The following FGD6 variants were observed in gnomAD, a reference collection of about 807,000 sequenced individuals.
FGD6 encodes the protein FYVE, RhoGEF and PH domain containing 6, also known as FYVE, RhoGEF and PH domain-containing protein 6.
FGD6 carries 90 observed loss-of-function variants against 149.4 expected under a neutral mutation model. The ratio of observed to expected loss-of-function variants is 0.60; its 90% CI spans 0.51 to 0.72. The LOEUF (loss-of-function observed/expected upper bound fraction) is 0.72. FGD6 is among the 30% of genes least tolerant of loss of function. FGD6 has a pLI of 0.00. For missense variants in FGD6, 1,437 were observed against 1,684.8 expected (o/e 0.85, Z 2.57); for synonymous variants, 527 against 584.0 (o/e 0.90, Z 1.41).
intron 8 of FGD6, among the ~76,000 whole-genome samples, chr12:95,132,746 G>A (rs12817128): frequency 0.077 from 11,711 of 151,932 alleles, 622 homozygotes; most frequent in East Asian, 0.25. Flanking sequence ...GCAAGATTCC[G>A]TCTCAAATAA....
intron 19 of FGD6, among the ~76,000 whole-genome samples, chr12:95,085,179 CAA>C (rs1309946740): frequency 2.0e-5 from 3 of 147,732 alleles, no homozygotes; most frequent in East Asian, 2.0e-4. Context: ...GAGTATCACT[CAA>C]GAGAGCTTGG....
At chr12:95,188,801 C>T (rs1592869757) in intron 2 of FGD6, among the ~76,000 whole-genome samples, 2 of 146,800 alleles carry the variant, frequency 1.4e-5, no homozygotes, top group Non-Finnish European at 1.5e-5. Flanking sequence ...TTAAAAACAA[C>T]TTTTTTTTTT....
chr12:95,209,779 T>C lies in FGD6; in HGVS notation c.1505A>G (p.His502Arg). The C allele has an allele frequency of 1.2e-6, 2 of 1,612,958 alleles. No individual in the cohort carries two copies. Among genetic ancestry groups the C allele is most frequent in the Non-Finnish European group, 1.7e-6 (2 of 1,179,802 alleles). Residue 502 changes from histidine (H) to arginine (R), a missense_variant, in exon 2 of 21, where the codon CAT (histidine) becomes CGT (arginine). Transcript: ENST00000343958. The part of the protein sequence containing the change: ...LRIVPKKPQR[H>R]SLPATGVLKK... The stretch of plus-strand genomic sequence containing the variant: ...AAGCACTCCTGTAGCAGGCAAGCTA[T>C]GTCTTTGAGGTTTTTTGGGGACAAT...
chr12:95,180,994 CA>C (rs10711230), intron 2 of FGD6, among the ~76,000 whole-genome samples: 131,838 of 150,624 alleles, frequency 0.88, 57,968 homozygotes, highest in African/African-American at 0.96. Flanking sequence ...ATTGCCGTTT[CA>C]AAAAAAAAAG....
At chr12:95,151,934 G>C (rs1056352405) in intron 5 of FGD6, among the ~76,000 whole-genome samples, 1 of 152,094 alleles carries the variant, frequency 6.6e-6, no homozygotes, top group Non-Finnish European at 1.5e-5. Context: ...AATGCATAAT[G>C]AAACTTGTGA....
At chr12:95,164,330 C>T (rs1220374776) in intron 3 of FGD6, among the ~76,000 whole-genome samples, 3 of 151,836 alleles carry the variant, frequency 2.0e-5, no homozygotes, top group Non-Finnish European at 4.4e-5. Flanking sequence ...CAAGCTCCGC[C>T]TCCCTGGTTC....
Position 95,165,336 on chromosome 12 carries a change from CT to C in FGD6, c.2586+7263del, listed in dbSNP as rs764144447. Among the ~76,000 whole-genome samples, 308 of 141,630 alleles carry C rather than the reference CT, an allele frequency of 2.2e-3. 1 individual carries two copies. The highest frequency in any genetic ancestry group is 7.5e-3 in the Middle Eastern group (2 of 266). The allele number at this position is 141,630 out of a possible 152,430, so 92.9% of individuals were successfully genotyped here. ...AGATGTGTATCAATTTTCTTTTTTT[CT>C]TTTTTTTTTTTTTGAGACAGTGTTT... On this transcript the variant is annotated intron_variant, in intron 3 of 20. Transcript: ENST00000343958.
Position 95,149,169 on chromosome 12 carries a change from A to AT in FGD6, c.2685+3641dup, listed in dbSNP as rs1880177540. ...TATTATATAATATATAGCATATATAATATTATATATTATATAATATATAGC... is the reference window on the plus strand; with the variant it reads ...TATTATATAATATATAGCATATATAATTATTATATATTATATAATATATAGC... On this transcript the variant is annotated intron_variant, in intron 5 of 20. Transcript: ENST00000343958. Among the ~76,000 whole-genome samples the AT allele has an allele frequency of 1.1e-3, 2 of 1,820 alleles. 1 individual carries two copies. The highest frequency in any genetic ancestry group is 1.2e-3 in the Non-Finnish European group (2 of 1,656). 1.2% of individuals were successfully genotyped at this position (1,820 alleles called of 152,430 possible).
At chr12:95,211,307 A>G in intron 1 of FGD6, 40 bp from the exon 2 acceptor site, 2 of 1,516,746 alleles carry the variant, frequency 1.3e-6, no homozygotes, top group Non-Finnish European at 1.7e-6. Context: ...CAAAACAACC[A>G]AAGCACAAAA....
At chr12:95,108,266 AT>A in intron 11 of FGD6, 81 bp downstream of exon 11, 2 of 1,272,384 alleles carry the variant, frequency 1.6e-6, no homozygotes, top group Non-Finnish European at 2.2e-6. Context: ...AAAACAACCT[AT>A]TTTTATAAAA....
At chr12:95,085,233 T>C (rs1399357177) in intron 19 of FGD6, among the ~76,000 whole-genome samples, 1 of 150,400 alleles carries the variant, frequency 6.6e-6, no homozygotes, top group Non-Finnish European at 1.5e-5. Flanking sequence ...TTTTTTTTTT[T>C]TGAGACAGAG....
intron 2 of FGD6, among the ~76,000 whole-genome samples, chr12:95,188,255 T>C (rs1317912976): frequency 2.0e-5 from 3 of 152,160 alleles, no homozygotes; most frequent in African/African-American, 7.2e-5. Context: ...TCACTTGCTC[T>C]GAGCTACTAG....
At chr12:95,119,110 G>A (rs1879108485) in intron 8 of FGD6, among the ~76,000 whole-genome samples, 2 of 151,840 alleles carry the variant, frequency 1.3e-5, no homozygotes, top group South Asian at 4.1e-4. Context: ...AGATGATGAT[G>A]ATGATAATAA....
intron 9 of FGD6, 92 bp downstream of exon 9, chr12:95,113,559 G>T: frequency 9.8e-7 from 1 of 1,015,242 alleles, no homozygotes; most frequent in Non-Finnish European, 1.5e-6. Context: ...AAGAGAGTTT[G>T]TAATGGATTT....
intron 5 of FGD6, among the ~76,000 whole-genome samples, chr12:95,143,310 C>G (rs1436734771): frequency 2.1e-5 from 3 of 141,810 alleles, no homozygotes; most frequent in African/African-American, 7.9e-5. Context: ...TTTTTTTTAA[C>G]TCTGGACAAC....
At position 95,141,423 on chromosome 12, in the gene FGD6, A is replaced by G. The variant is rs750846335; in HGVS notation, c.2802T>C (p.Asp934=). 9 of 1,614,086 alleles carry G rather than the reference A, an allele frequency of 5.6e-6. No homozygotes were observed. The East Asian group carries it at 1.8e-4, about 32-fold the overall frequency. The stretch of plus-strand genomic sequence containing the variant: ...TTCTTTCCTCCAGTTCCTTCAAGAG[A>G]TCCCGGTTGAGCTCATACAGCTGAG... The part of the protein sequence containing the change: ...YLPQLYELNR[D]LLKELEERML... Residue 934 remains aspartate (D), a synonymous_variant, in exon 6 of 21, where the codon GAT becomes GAC. Transcript: ENST00000343958.
chr12:95,212,745 T>C (rs767436617), intron 1 of FGD6, among the ~76,000 whole-genome samples: 3 of 152,178 alleles, frequency 2.0e-5, no homozygotes, highest in Admixed American at 6.5e-5. Context: ...TGGTGATGAC[T>C]TACTTTTGAA....
intron 13 of FGD6, 96 bp downstream of exon 13, chr12:95,106,858 C>A: frequency 1.0e-6 from 1 of 972,246 alleles, no homozygotes; most frequent in Non-Finnish European, 1.6e-6. Context: ...TGTACCACTG[C>A]ACTCCAGCCT....
intron 5 of FGD6, among the ~76,000 whole-genome samples, chr12:95,144,994 T>C: frequency 7.2e-6 from 1 of 138,104 alleles, no homozygotes; most frequent in Non-Finnish European, 1.6e-5. Context: ...CGGCCTTTTT[T>C]TTTTTTTTTT....
Sources: allele counts gnomAD v4.1 joint callset (sites outside exome capture counted in the v4.1 genomes callset), GRCh38; gene constraint gnomAD v4.1.1; transcripts MANE v1.5; gene names NCBI Gene and HGNC (gene_info 2026-07-23, HGNC 2026-07-21).